The following ARHGEF7 variants were observed in gnomAD, a reference collection of about 807,000 sequenced individuals.
The protein encoded by ARHGEF7 is PAK-interacting exchange factor beta.
Under a neutral mutation model 109.8 loss-of-function variants are expected in ARHGEF7, and 33 were observed. That is an observed-to-expected ratio of 0.30 (90% CI 0.23 to 0.40). ARHGEF7 has a LOEUF of 0.40. Ranked by LOEUF, ARHGEF7 falls within the 10% of genes least tolerant of loss-of-function variation. The pLI, the probability that ARHGEF7 is intolerant of heterozygous loss-of-function variation, is 1.00. For synonymous variants in ARHGEF7, 458 were observed against 424.6 expected, an observed-to-expected ratio of 1.08 and a Z score of -0.97; for missense variants, 938 against 1,098.5, an observed-to-expected ratio of 0.85 and a Z score of 2.07.
intron 1 of ARHGEF7, among the ~76,000 whole-genome samples, chr13:111,116,734 C>T (rs545296935): frequency 3.2e-4 from 49 of 152,130 alleles, no homozygotes; most frequent in Non-Finnish European, 4.9e-4. Flanking sequence ...TAAAATGCCA[C>T]GTAAGTGACT....
At chr13:111,198,052 C>G (rs1406997088) in intron 2 of ARHGEF7, among the ~76,000 whole-genome samples, 1 of 152,124 alleles carries the variant, frequency 6.6e-6, no homozygotes, top group Admixed American at 6.5e-5. Context: ...GCTTTCCTCT[C>G]TGTTGACCGT....
intron 13 of ARHGEF7, among the ~76,000 whole-genome samples, chr13:111,279,105 A>C (rs747577651): frequency 3.9e-5 from 6 of 152,320 alleles, no homozygotes; most frequent in Non-Finnish European, 7.4e-5. Flanking sequence ...GGCTAGGTTA[A>C]ACACAGTTGT....
Position 111,280,646 on chromosome 13 carries a change from C to T in ARHGEF7, c.1694C>T (p.Thr565Ile), listed in dbSNP as rs1170988814. 6.2e-6 allele frequency: 10 copies of T among 1,607,866 alleles called. No homozygotes were observed. The highest frequency in any genetic ancestry group is 1.3e-5 in the African/African-American group (1 of 74,640). ...QTKVTSVGNPTIKPHSVPSHT... is the reference protein window; with the variant it reads ...QTKVTSVGNPIIKPHSVPSHT... ...AAGGTCACGTCTGTGGGAAACCCCA[C>T]CATAAAGCCTCATTCAGTGCCATCT... Residue 565 changes from threonine to isoleucine, a missense_variant, in exon 15 of 22, where the codon ACC becomes ATC. This residue lies in a region of ARHGEF7 where 585 missense variants were observed against 723.6 expected (regional missense o/e 0.81). Transcript: ENST00000646102.
intron 1 of ARHGEF7, among the ~76,000 whole-genome samples, chr13:111,138,870 G>A (rs955101249): frequency 1.8e-4 from 27 of 152,170 alleles, no homozygotes; most frequent in African/African-American, 6.5e-4. Flanking sequence ...GGCTCCAGCT[G>A]GCACAGAAGC....
At chr13:111,141,278 C>T (rs1385330565) in intron 1 of ARHGEF7, among the ~76,000 whole-genome samples, 2 of 152,108 alleles carry the variant, frequency 1.3e-5, no homozygotes, top group Admixed American at 1.3e-4. Context: ...TTTCACTGCC[C>T]TGAAGTCCCC....
intron 19 of ARHGEF7, chr13:111,292,570 G>GTTC: frequency 7.5e-7 from 1 of 1,338,210 alleles, no homozygotes; most frequent in Non-Finnish European, 9.5e-7. Context: ...GGTGCTCTTC[G>GTTC]TAAGGGGTAG....
intron 15 of ARHGEF7, 183 bp downstream of exon 15, chr13:111,280,860 T>A: frequency 1.5e-6 from 1 of 662,068 alleles, no homozygotes; most frequent in Non-Finnish European, 2.4e-6. Context: ...TGTTTTCCAA[T>A]GAGTGTTCTC....
intron 1 of ARHGEF7, among the ~76,000 whole-genome samples, chr13:111,151,676 A>G (rs2075892384): frequency 6.6e-6 from 1 of 152,156 alleles, no homozygotes; most frequent in Non-Finnish European, 1.5e-5. Context: ...ACTATAACTC[A>G]TGCCCGAACA....
chr13:111,233,152 CT>C, intron 5 of ARHGEF7, 52 bp from the exon 6 acceptor site: 2 of 1,483,342 alleles, frequency 1.3e-6, no homozygotes, highest in East Asian at 2.3e-5. Flanking sequence ...GGGGCTGGAA[CT>C]TTTGTCATCT....
rs114854637 is a variant in ARHGEF7 at position 111,160,200 on chromosome 13, G to T, written c.252+6209G>T. Among the ~76,000 whole-genome samples, 232 of 152,290 alleles carry T rather than the reference G, an allele frequency of 1.5e-3. 1 individual carries two copies. The highest frequency in any genetic ancestry group is 5.1e-3 in the African/African-American group (212 of 41,570). On this transcript the variant is annotated intron_variant, in intron 2 of 21. Transcript: ENST00000646102. ...AATTCTCAGCTCTCTATTCTGCTCT[G>T]TTGGTCTGTGTGTCTGCTTTTATGC...
chr13:111,186,900 C>T, intron 2 of ARHGEF7: 1 of 985,494 alleles, frequency 1.0e-6, no homozygotes, highest in Non-Finnish European at 1.2e-6. Flanking sequence ...CTTCTTTCCC[C>T]ATTTCCCGGT....
chr13:111,121,506 T>G (rs1254883975), intron 1 of ARHGEF7, among the ~76,000 whole-genome samples: 1 of 152,162 alleles, frequency 6.6e-6, no homozygotes, highest in African/African-American at 2.4e-5. Flanking sequence ...CGATGGGGGC[T>G]GTGAGGTGAG....
chr13:111,243,687 A>G (rs2088242463), intron 6 of ARHGEF7, among the ~76,000 whole-genome samples, 185 bp from the exon 7 acceptor site: 1 of 152,226 alleles, frequency 6.6e-6, no homozygotes, highest in Non-Finnish European at 1.5e-5. Context: ...GGCCTTAGTA[A>G]TAATTCATTA....
chr13:111,122,136 T>C (rs1359997190), intron 1 of ARHGEF7, among the ~76,000 whole-genome samples: 1 of 152,184 alleles, frequency 6.6e-6, no homozygotes, highest in Non-Finnish European at 1.5e-5. Context: ...ATTGTCTGGG[T>C]TGGTGGGCCT....
intron 1 of ARHGEF7, among the ~76,000 whole-genome samples, chr13:111,141,549 T>A (rs1177526286): frequency 6.6e-6 from 1 of 152,164 alleles, no homozygotes; most frequent in African/African-American, 2.4e-5. Context: ...TTTTCCAGAA[T>A]GTCATATAGT....
At chr13:111,141,456 C>T (rs990541427) in intron 1 of ARHGEF7, among the ~76,000 whole-genome samples, 15 of 152,094 alleles carry the variant, frequency 9.9e-5, no homozygotes, top group African/African-American at 1.4e-4. Context: ...GGAAGTGTCG[C>T]ACAGCTTCCA....
chr13:111,231,269 G>C (rs2086012084), intron 5 of ARHGEF7, among the ~76,000 whole-genome samples: 2 of 152,260 alleles, frequency 1.3e-5, no homozygotes, highest in Admixed American at 1.3e-4. Flanking sequence ...ATTCTTAGCT[G>C]TAGAAAAGAG....
At chr13:111,204,730 G>A (rs1036860839) in intron 2 of ARHGEF7, among the ~76,000 whole-genome samples, 40 of 152,184 alleles carry the variant, frequency 2.6e-4, no homozygotes, top group African/African-American at 9.4e-4. Context: ...AGAGCTCTGA[G>A]GGTGGTGGTC....
chr13:111,293,079 C>A (rs2153628340), intron 19 of ARHGEF7: 2 of 985,450 alleles, frequency 2.0e-6, no homozygotes, highest in East Asian at 1.1e-4. Flanking sequence ...GCAGTGATTT[C>A]TGTTATAAGG....
Sources: allele counts gnomAD v4.1 joint callset (sites outside exome capture counted in the v4.1 genomes callset), GRCh38; gene constraint gnomAD v4.1.1; regional missense constraint gnomAD v4.1.1; transcripts MANE v1.5; gene names NCBI Gene and HGNC (gene_info 2026-07-23, HGNC 2026-07-21).